The following RIPK1 variants were observed in gnomAD, a reference collection of about 807,000 sequenced individuals.
RIPK1 encodes receptor interacting serine/threonine kinase 1.
In RIPK1, 27 loss-of-function variants were observed where a neutral mutation model predicts 62.4. The ratio of observed to expected loss-of-function variants is 0.43; its 90% CI spans 0.32 to 0.60. The LOEUF (loss-of-function observed/expected upper bound fraction) is 0.60, where lower values mean the gene tolerates loss of function less well. RIPK1 is among the 20% of genes least tolerant of loss of function. The probability of loss-of-function intolerance (pLI) is 0.07; values close to 1 mark genes in which losing one functional copy is unlikely to be tolerated. For missense variants in RIPK1, 735 were observed against 831.0 expected (o/e 0.88, Z 1.42); for synonymous variants, 287 against 303.2 (o/e 0.95, Z 0.55).
chr6:3,073,448 G>A (rs148434855), intron 1 of RIPK1, among the ~76,000 whole-genome samples: 50 of 152,074 alleles, frequency 3.3e-4, no homozygotes, highest in South Asian at 1.0e-3. Context: ...TAGAGTTCAC[G>A]CTCATAGTGG....
intron 2 of RIPK1, among the ~76,000 whole-genome samples, chr6:3,077,455 T>C (rs1759128258): frequency 6.7e-6 from 1 of 148,882 alleles, no homozygotes; most frequent in African/African-American, 2.6e-5. Context: ...TGAGAGAGGC[T>C]GTTTTTTTTT....
chr6:3,105,643 C>A lies in RIPK1; in HGVS notation c.1168C>A (p.Arg390Ser). 1 of 1,614,002 alleles carries A rather than the reference C, an allele frequency of 6.2e-7. No homozygotes were observed. Among genetic ancestry groups the A allele is most frequent in the Non-Finnish European group, 8.5e-7 (1 of 1,179,938 alleles). The change falls in exon 9 of 11, where the codon CGC (arginine) becomes AGC (serine). Residue 390 changes from arginine (R) to serine (S), a missense_variant. Around this residue, in one of 2 missense-constraint regions of RIPK1, gnomAD observed 671 missense variants for 726.2 expected, o/e 0.92. Coordinates refer to ENST00000259808, the MANE Select transcript of RIPK1 (RefSeq NM_001354930.2). The surrounding 1 kb of genome is among the most constrained non-coding windows in gnomAD (Gnocchi z 4.5). Reference protein sequence around the residue: ...DEANYHLYGSRMDRQTKQQPR... With the variant: ...DEANYHLYGSSMDRQTKQQPR... ...AGCCAACTACCATCTTTATGGCAGC[C>A]GCATGGACAGGCAGACGAAACAGCA...
chr6:3,094,657 C>A (rs1242159831), intron 7 of RIPK1, among the ~76,000 whole-genome samples: 1 of 149,726 alleles, frequency 6.7e-6, no homozygotes, highest in East Asian at 2.0e-4. Context: ...AGCAAATAAA[C>A]CTAGAGAAAA....
At chr6:3,082,680 T>C (rs570491328) in intron 4 of RIPK1, among the ~76,000 whole-genome samples, 1 of 152,318 alleles carries the variant, frequency 6.6e-6, no homozygotes, top group South Asian at 2.1e-4. Context: ...TTAGCCACTG[T>C]CTGCTGCATA....
At chr6:3,111,466 G>A (rs868331514) in intron 10 of RIPK1, among the ~76,000 whole-genome samples, 1 of 151,190 alleles carries the variant, frequency 6.6e-6, no homozygotes, top group Non-Finnish European at 1.5e-5. Flanking sequence ...AGGCCAAAAC[G>A]ACTTGATTAA....
intron 9 of RIPK1, among the ~76,000 whole-genome samples, chr6:3,108,580 G>C (rs1581438819): frequency 6.6e-6 from 1 of 152,164 alleles, no homozygotes; most frequent in African/African-American, 2.4e-5. Flanking sequence ...GATTAAACAG[G>C]GTAAGGCAGC....
chr6:3,094,498 G>A (rs929263553), intron 7 of RIPK1, among the ~76,000 whole-genome samples: 1 of 151,290 alleles, frequency 6.6e-6, no homozygotes, highest in South Asian at 2.1e-4. Context: ...TTCACTGAAG[G>A]CTAACAAAAC....
chr6:3,109,744 T>A (rs1761056757), intron 9 of RIPK1, among the ~76,000 whole-genome samples: 1 of 152,154 alleles, frequency 6.6e-6, no homozygotes, highest in Non-Finnish European at 1.5e-5. Flanking sequence ...TATAACTGTT[T>A]TAATCTTGCA....
At chr6:3,079,263 A>G (rs1759254244) in intron 3 of RIPK1, among the ~76,000 whole-genome samples, 1 of 152,218 alleles carries the variant, frequency 6.6e-6, no homozygotes, top group African/African-American at 2.4e-5. Context: ...AATTTTTAGT[A>G]GAGACAAGTT....
At chr6:3,082,754 CAG>C (rs1374344626) in intron 4 of RIPK1, among the ~76,000 whole-genome samples, 1 of 152,196 alleles carries the variant, frequency 6.6e-6, no homozygotes, top group Non-Finnish European at 1.5e-5. Flanking sequence ...AAAACATACG[CAG>C]AGTCAATGGG....
chr6:3,068,860 A>C, intron 1 of RIPK1, 199 bp downstream of exon 1: 3 of 192,116 alleles, frequency 1.6e-5, no homozygotes, highest in Non-Finnish European at 2.9e-5. Flanking sequence ...AACGAAAGTA[A>C]CGCTCGGGTG....
intron 9 of RIPK1, among the ~76,000 whole-genome samples, chr6:3,107,792 G>A (rs562547070): frequency 6.6e-6 from 1 of 152,030 alleles, no homozygotes; most frequent in East Asian, 1.9e-4. Context: ...AAATCTCTTT[G>A]TGTTTTCACC....
upstream of RIPK1, chr6:3,064,097 G>A (rs1391346016): frequency 2.0e-5 from 3 of 152,276 alleles, no homozygotes; most frequent in East Asian, 5.8e-4. Context: ...GTGGAGCACG[G>A]GAGTGGCGAG....
At chr6:3,084,263 GA>G (rs1759573191) in intron 5 of RIPK1, among the ~76,000 whole-genome samples, 1 of 152,062 alleles carries the variant, frequency 6.6e-6, no homozygotes, top group Admixed American at 6.6e-5. Context: ...TCACATATTG[GA>G]AATCCTTCCC....
chr6:3,113,139 G>C lies in RIPK1; in HGVS notation c.1816G>C (p.Gly606Arg). 1 of 1,612,588 alleles carries C rather than the reference G, an allele frequency of 6.2e-7. No homozygotes were observed. Among genetic ancestry groups the C allele is most frequent in the Non-Finnish European group, 8.5e-7 (1 of 1,178,824 alleles). The change falls in exon 11 of 11, where the codon GGC becomes CGC. Residue 606 changes from glycine (G) to arginine (R), a missense_variant. Transcript: ENST00000259808. This position sits in a 1 kb window ranked among gnomAD's most constrained non-coding sequence, Gnocchi z 5.0. ...KHWKNCARKLGFTQSQIDEID... is the reference protein window; with the variant it reads ...KHWKNCARKLRFTQSQIDEID... The stretch of plus-strand genomic sequence containing the variant: ...CTGGAAAAACTGTGCCCGTAAACTG[G>C]GCTTCACACAGTCTCAGATTGATGA...
Position 3,114,650 on chromosome 6 carries a change from C to T in RIPK1, c.*1311C>T, listed in dbSNP as rs1312836124. On this transcript the variant is annotated 3_prime_UTR_variant, in exon 11 of 11. Transcript: ENST00000259808. This position sits in a 1 kb window ranked among gnomAD's most constrained non-coding sequence, Gnocchi z 5.0. ...ATTCTGATTGTGAATCCCCTCAACT[C>T]TAGCAGACACATACACACCCCTGAA... 1.3e-5 allele frequency: 2 copies of T among 152,218 alleles called. No homozygotes were observed. Among genetic ancestry groups the T allele is most frequent in the Non-Finnish European group, 2.9e-5 (2 of 68,058 alleles). 9.4% of individuals were successfully genotyped at this position (152,218 alleles called of 1,614,324 possible). A position where few individuals can be genotyped will look rare whatever the true frequency, so the allele number is the denominator to read the frequency against.
chr6:3,079,875 C>T (rs1026484566), intron 3 of RIPK1, among the ~76,000 whole-genome samples: 1 of 152,210 alleles, frequency 6.6e-6, no homozygotes, highest in Admixed American at 6.5e-5. Context: ...CCCAACCCTG[C>T]TTAGCTTCTG....
rs1364543900 is a variant in RIPK1 at position 3,114,408 on chromosome 6, C to T, written c.*1069C>T. On this transcript the variant is annotated 3_prime_UTR_variant, in exon 11 of 11. Coordinates refer to ENST00000259808, the MANE Select transcript of RIPK1 (RefSeq NM_001354930.2). This position sits in a 1 kb window ranked among gnomAD's most constrained non-coding sequence, Gnocchi z 5.0. ...TGGTAATTGTGCCTCTAGCACCCAG[C>T]CTTTCAAAGCCCACCTGAAACCTGG... 6.6e-6 allele frequency: 1 copy of T among 152,200 alleles called. No individual in the cohort carries two copies. The highest frequency in any genetic ancestry group is 1.5e-5 in the Non-Finnish European group (1 of 68,042). The allele number at this position is 152,200 out of a possible 1,614,324, so 9.4% of individuals were successfully genotyped here. A position where few individuals can be genotyped will look rare whatever the true frequency, so the allele number is the denominator to read the frequency against.
chr6:3,108,080 A>G (rs1760955458), intron 9 of RIPK1, among the ~76,000 whole-genome samples: 1 of 151,890 alleles, frequency 6.6e-6, no homozygotes. Context: ...GCCATACCAT[A>G]GAAGAAGGGT....
Sources: gnomAD v4.1 joint callset for allele counts (sites outside exome capture counted in the v4.1 genomes callset) on GRCh38, gnomAD v4.1.1 for gene constraint, gnomAD v4.1.1 regional missense constraint, Gnocchi (gnomAD v3.1) non-coding constraint, MANE v1.5 for transcripts, NCBI Gene and HGNC (gene_info 2026-07-23, HGNC 2026-07-21) for gene names.